The following PALS1 variants were observed in gnomAD, a reference collection of about 807,000 sequenced individuals.
The protein encoded by PALS1 is protein associated with LIN7 1, MAGUK p55 family member.
PALS1 carries 31 observed loss-of-function variants against 78.9 expected under a neutral mutation model. The ratio of observed to expected loss-of-function variants is 0.39; its 90% CI spans 0.30 to 0.53. The LOEUF (loss-of-function observed/expected upper bound fraction) is 0.53, where lower values mean the gene tolerates loss of function less well. PALS1 is among the 20% of genes least tolerant of loss of function. PALS1 has a pLI of 0.67. For synonymous variants in PALS1, 276 were observed against 270.9 expected (o/e 1.02, Z -0.18); for missense variants, 704 against 826.5 (o/e 0.85, Z 1.82).
At chr14:67,258,721 C>T (rs1259398207) in intron 1 of PALS1, among the ~76,000 whole-genome samples, 1 of 152,048 alleles carries the variant, frequency 6.6e-6, no homozygotes, top group African/African-American at 2.4e-5. Flanking sequence ...TATGCCCAGC[C>T]TTCAGACTGC....
chr14:67,249,041 C>A (rs967784466), intron 1 of PALS1, among the ~76,000 whole-genome samples: 1 of 151,904 alleles, frequency 6.6e-6, no homozygotes. Flanking sequence ...CAGCTCACTG[C>A]AACCTCTGCC....
chr14:67,281,376 G>GCT (rs1409969459), intron 3 of PALS1, among the ~76,000 whole-genome samples: 1 of 152,104 alleles, frequency 6.6e-6, no homozygotes, highest in Non-Finnish European at 1.5e-5. Flanking sequence ...TACAGTGAAA[G>GCT]CTAAAAGATT....
In PALS1 at chr14:67,321,190, A is replaced by G; in HGVS notation, c.1671A>G (p.Gly557=). The stretch of plus-strand genomic sequence containing the variant: ...GTGAATTTGAGAAGAATTTGTATGG[A>G]ACTAGCATAGATTCTGTACGGCAAG... The part of the protein sequence containing the change: ...EHGEFEKNLY[G]TSIDSVRQVI... Residue 557 remains glycine (G), a synonymous_variant, in exon 13 of 15, where the codon GGA becomes GGG. Transcript: ENST00000261681. 1 of 1,614,216 alleles carries G rather than the reference A, an allele frequency of 6.2e-7. No homozygotes were observed. The highest frequency in any genetic ancestry group is 1.3e-5 in the African/African-American group (1 of 75,060).
At chr14:67,307,597 T>G (rs1211116601) in intron 8 of PALS1, among the ~76,000 whole-genome samples, 1 of 152,196 alleles carries the variant, frequency 6.6e-6, no homozygotes, top group Non-Finnish European at 1.5e-5. Context: ...GGTATAAAAA[T>G]GTATTAATAA....
At chr14:67,316,295 T>C (rs1222685232) in intron 9 of PALS1, among the ~76,000 whole-genome samples, 3 of 152,112 alleles carry the variant, frequency 2.0e-5, no homozygotes, top group Non-Finnish European at 2.9e-5. Flanking sequence ...ATTTATATAA[T>C]TGGTAACTTA....
At chr14:67,257,419 C>T (rs1258976313) in intron 1 of PALS1, among the ~76,000 whole-genome samples, 1 of 152,102 alleles carries the variant, frequency 6.6e-6, no homozygotes, top group Non-Finnish European at 1.5e-5. Flanking sequence ...GTTTGTCTGA[C>T]ATAGTTCCCA....
At chr14:67,261,366 A>C (rs974702755) in intron 1 of PALS1, among the ~76,000 whole-genome samples, 2 of 152,186 alleles carry the variant, frequency 1.3e-5, no homozygotes, top group Non-Finnish European at 2.9e-5. Flanking sequence ...TGGCATGAGA[A>C]GGGAGAAGCT....
At position 67,312,676 on chromosome 14, in the gene PALS1, C is replaced by T. The variant is rs761960631; in HGVS notation, c.1191C>T (p.Asp397=). 105 of 1,610,590 alleles carry T rather than the reference C, an allele frequency of 6.5e-5. No homozygotes were observed. Among genetic ancestry groups the T allele is most frequent in the Middle Eastern group, 1.6e-4 (1 of 6,078 alleles). ...PNWWQAYREG[D]EDNQPLAGLV... is the part of the protein sequence containing the mutation. The stretch of plus-strand genomic sequence containing the variant: ...GGTGGCAGGCCTACAGGGAAGGGGA[C>T]GAAGATAATCAACCTCTAGCCGGGC... Residue 397 remains aspartate (D), a synonymous_variant, in exon 9 of 15, where the codon GAC becomes GAT. Transcript: ENST00000261681.
At chr14:67,303,468 G>T in intron 7 of PALS1, 54 bp from the exon 8 acceptor site, 1 of 1,337,082 alleles carries the variant, frequency 7.5e-7, no homozygotes, top group Non-Finnish European at 1.1e-6. Flanking sequence ...ATAAAATCAT[G>T]GAATGATTTT....
intron 14 of PALS1, among the ~76,000 whole-genome samples, chr14:67,328,244 A>C (rs2085390801): frequency 6.6e-6 from 1 of 152,076 alleles, no homozygotes; most frequent in Non-Finnish European, 1.5e-5. Context: ...GATGATGAGC[A>C]TTTTTTCATG....
chr14:67,270,000 C>T (rs1435641947), intron 2 of PALS1: 1 of 152,114 alleles, frequency 6.6e-6, no homozygotes, highest in East Asian at 1.9e-4. Flanking sequence ...GTAGACTGAA[C>T]ATGTTTATGC....
chr14:67,296,586 A>C (rs1365790643), intron 4 of PALS1, among the ~76,000 whole-genome samples: 1 of 62,820 alleles, frequency 1.6e-5, no homozygotes, highest in Non-Finnish European at 2.7e-5. Context: ...ACTCTGTCTC[A>C]AAAAAAAAAA....
intron 1 of PALS1, among the ~76,000 whole-genome samples, chr14:67,259,069 G>A (rs138020829): frequency 0.082 from 11,989 of 146,312 alleles, 1,116 homozygotes; most frequent in African/African-American, 0.23. Context: ...TCTCGAACTC[G>A]TGGCCTCAAG....
At chr14:67,270,437 T>A (rs1365110485) in intron 2 of PALS1, 1 of 150,520 alleles carries the variant, frequency 6.6e-6, no homozygotes, top group African/African-American at 2.4e-5. Context: ...TCTTTCTTAT[T>A]TTTTTTTTAA....
chr14:67,326,243 TTTTTTTTTTTTTTTTTG>T (rs2085356623), intron 14 of PALS1, among the ~76,000 whole-genome samples: 1 of 118,658 alleles, frequency 8.4e-6, no homozygotes, highest in African/African-American at 3.3e-5. Flanking sequence ...TTTTTTTTTT[TTTTTTTTTTTTTTTTTG>T]AGAGGAGATT....
intron 1 of PALS1, among the ~76,000 whole-genome samples, chr14:67,260,692 A>T (rs984109654): frequency 6.6e-6 from 1 of 152,222 alleles, no homozygotes; most frequent in African/African-American, 2.4e-5. Context: ...TCAAAAGTTT[A>T]ATGACAAAAT....
At chr14:67,297,448 C>T (rs988497703) in intron 4 of PALS1, among the ~76,000 whole-genome samples, 2 of 152,032 alleles carry the variant, frequency 1.3e-5, no homozygotes, top group African/African-American at 4.8e-5. Context: ...TTGTGTTTCT[C>T]AAATTTAACA....
intron 2 of PALS1, among the ~76,000 whole-genome samples, chr14:67,275,493 T>C (rs2084488289): frequency 6.6e-6 from 1 of 152,182 alleles, no homozygotes; most frequent in Non-Finnish European, 1.5e-5. Flanking sequence ...GTGCATAAGC[T>C]TTTCGATGTG....
At chr14:67,253,673 T>A (rs7156177) in intron 1 of PALS1, among the ~76,000 whole-genome samples, 12,095 of 152,084 alleles carry the variant, frequency 0.08, 1,141 homozygotes, top group African/African-American at 0.23. Context: ...AGTGGGACCC[T>A]GTACCTACAA....
Sources: gnomAD v4.1 joint callset for allele counts (sites outside exome capture counted in the v4.1 genomes callset) on GRCh38, gnomAD v4.1.1 for gene constraint, MANE v1.5 for transcripts, NCBI Gene and HGNC (gene_info 2026-07-23, HGNC 2026-07-21) for gene names.